The following DAB2IP variants were observed in gnomAD, a reference collection of about 807,000 sequenced individuals.
DAB2IP encodes disabled homolog 2-interacting protein.
Under a neutral mutation model 107.2 loss-of-function variants are expected in DAB2IP, and 28 were observed. The ratio of observed to expected loss-of-function variants is 0.26; its 90% confidence interval spans 0.19 to 0.36. The LOEUF (loss-of-function observed/expected upper bound fraction) is 0.36. Among genes scored for constraint, DAB2IP ranks in the 10% least tolerant of loss-of-function variants. DAB2IP has a pLI of 1.00. For synonymous variants in DAB2IP, 755 were observed against 706.4 expected (o/e 1.07, Z -1.09); for missense variants, 1,400 against 1,644.7 (o/e 0.85, Z 2.57).
At chr9:121,638,970 G>A (rs1564126445) in intron 1 of DAB2IP, among the ~76,000 whole-genome samples, 1 of 152,120 alleles carries the variant, frequency 6.6e-6, no homozygotes, top group African/African-American at 2.4e-5. Flanking sequence ...CTGGGGGCCA[G>A]GGTGGTTGGG....
At chr9:121,622,866 G>C (rs1203029578) in intron 1 of DAB2IP, among the ~76,000 whole-genome samples, 1 of 152,170 alleles carries the variant, frequency 6.6e-6, no homozygotes, top group Non-Finnish European at 1.5e-5. Context: ...TGGGGTATAT[G>C]GGCAAGGGGG....
intron 3 of DAB2IP, among the ~76,000 whole-genome samples, chr9:121,721,513 G>C (rs2118817921): frequency 6.6e-6 from 1 of 152,354 alleles, no homozygotes; most frequent in African/African-American, 2.4e-5. Flanking sequence ...AGTGGCATCT[G>C]TGTCCATCTG....
At chr9:121,644,936 C>T (rs1278983871) in intron 1 of DAB2IP, among the ~76,000 whole-genome samples, 4 of 152,238 alleles carry the variant, frequency 2.6e-5, no homozygotes, top group Non-Finnish European at 4.4e-5. Context: ...AAGGCCCTCC[C>T]CTGGAACCCA....
Position 121,772,552 on chromosome 9 carries a change from C to T in DAB2IP, c.2079-55C>T. 1 of 1,557,348 alleles carries T rather than the reference C, an allele frequency of 6.4e-7. No homozygotes were observed. The highest frequency in any genetic ancestry group is 8.7e-7 in the Non-Finnish European group (1 of 1,146,854). On this transcript the variant is annotated intron_variant, in intron 11 of 15. Transcript: ENST00000408936. This position sits in a 1 kb window ranked among gnomAD's most constrained non-coding sequence, Gnocchi z 4.7. ...TGTCGGTTTGGACCCGCCTTGGCTG[C>T]ACTCACAGTTCTTCTTTTCCCCTTC... is the stretch of plus-strand genomic sequence containing the variant.
intron 2 of DAB2IP, among the ~76,000 whole-genome samples, chr9:121,694,594 G>A (rs1829327282): frequency 6.6e-6 from 1 of 152,240 alleles, no homozygotes; most frequent in East Asian, 1.9e-4. Context: ...GGATGGTGGT[G>A]TAGCTCTACT....
intron 1 of DAB2IP, among the ~76,000 whole-genome samples, chr9:121,626,335 A>C (rs1274738073): frequency 6.6e-6 from 1 of 151,226 alleles, no homozygotes; most frequent in African/African-American, 2.4e-5. Context: ...ATGGGCTTTC[A>C]TGGAGCAGGA....
intron 1 of DAB2IP, among the ~76,000 whole-genome samples, chr9:121,652,302 G>T (rs995443440): frequency 6.6e-6 from 1 of 152,088 alleles, no homozygotes. Flanking sequence ...GGAACTTAAC[G>T]GGCTCCCCAC....
At chr9:121,694,908 G>A (rs940368101) in intron 2 of DAB2IP, among the ~76,000 whole-genome samples, 7 of 152,208 alleles carry the variant, frequency 4.6e-5, no homozygotes, top group South Asian at 2.1e-4. Context: ...CCTCAGCGTC[G>A]TGGCACAGCT....
chr9:121,646,129 G>A (rs559379109), intron 1 of DAB2IP, among the ~76,000 whole-genome samples: 7 of 152,268 alleles, frequency 4.6e-5, no homozygotes, highest in Admixed American at 1.3e-4. Context: ...CCCCACTTCC[G>A]CCTGTGTTGA....
intron 1 of DAB2IP, among the ~76,000 whole-genome samples, chr9:121,579,489 AC>A (rs1475552536): frequency 6.6e-6 from 1 of 151,168 alleles, no homozygotes; most frequent in Non-Finnish European, 1.5e-5. Flanking sequence ...GTGTCCTCAC[AC>A]CCCTGCCCAC....
At position 121,599,508 on chromosome 9, in the gene DAB2IP, G is replaced by A. The variant is rs980671159; in HGVS notation, c.40+32280G>A. On this transcript the variant is annotated intron_variant, in intron 1 of 16. Transcript: ENST00000259371. The surrounding 1 kb of genome is among the most constrained non-coding windows in gnomAD (Gnocchi z 6.9). ...GGCCTGCGATTGGCAGGGCTGGGCAGGCCGGGTGGCCGCGGGAGCCCGGGA... is the reference window on the plus strand; with the variant it reads ...GGCCTGCGATTGGCAGGGCTGGGCAAGCCGGGTGGCCGCGGGAGCCCGGGA... Among the ~76,000 whole-genome samples the A allele has an allele frequency of 6.6e-6, 1 of 151,976 alleles. No individual in the cohort carries two copies. Among genetic ancestry groups the A allele is most frequent in the African/African-American group, 2.4e-5 (1 of 41,422 alleles).
intron 1 of DAB2IP, among the ~76,000 whole-genome samples, chr9:121,642,081 T>TTCTTTCTC (rs1832374278): frequency 2.2e-5 from 3 of 136,272 alleles, no homozygotes; most frequent in Non-Finnish European, 4.6e-5. Context: ...CTTTCTTTCT[T>TTCTTTCTC]TCTCACTTTC....
intron 1 of DAB2IP, among the ~76,000 whole-genome samples, chr9:121,652,380 C>A (rs1008190585): frequency 6.6e-6 from 1 of 152,192 alleles, no homozygotes; most frequent in Non-Finnish European, 1.5e-5. Context: ...CGGGTGGGCG[C>A]CAGCTCCTTT....
At position 121,635,301 on chromosome 9, in the gene DAB2IP, C is replaced by T. The variant is rs1361750447; in HGVS notation, c.41-43377C>T. On this transcript the variant is annotated intron_variant, in intron 1 of 16. Transcript: ENST00000259371. The surrounding 1 kb of genome is among the most constrained non-coding windows in gnomAD (Gnocchi z 4.3). ...CAGAAATTTCCAGGCTCTTTCAGAC[C>T]CCCCACAAACTCATTTCAGTCTCCA... Among the ~76,000 whole-genome samples, 2 of 152,118 alleles carry T rather than the reference C, an allele frequency of 1.3e-5. No homozygotes were observed. The highest frequency in any genetic ancestry group is 1.3e-4 in the Admixed American group (2 of 15,276).
intron 3 of DAB2IP, among the ~76,000 whole-genome samples, chr9:121,731,989 A>G (rs1831571116): frequency 6.6e-6 from 1 of 152,096 alleles, no homozygotes; most frequent in Admixed American, 6.6e-5. Context: ...CAAGTGACCT[A>G]GCCACAGACA....
intron 1 of DAB2IP, among the ~76,000 whole-genome samples, chr9:121,631,221 A>G (rs1041816559): frequency 6.6e-6 from 1 of 152,228 alleles, no homozygotes; most frequent in Non-Finnish European, 1.5e-5. Context: ...AGGCACACAG[A>G]CAGCTGAACA....
At chr9:121,711,601 T>C (rs1269153552) in intron 3 of DAB2IP, among the ~76,000 whole-genome samples, 1 of 152,222 alleles carries the variant, frequency 6.6e-6, no homozygotes, top group African/African-American at 2.4e-5. Flanking sequence ...CTCAGAAGCA[T>C]GTTTTGGAGG....
intron 2 of DAB2IP, among the ~76,000 whole-genome samples, chr9:121,691,814 T>C (rs139611253): frequency 1.3e-3 from 196 of 152,284 alleles, no homozygotes; most frequent in East Asian, 4.1e-3. Flanking sequence ...GAATTACCCT[T>C]AGGACCTAAA....
In DAB2IP at chr9:121,772,692, T is replaced by C; in HGVS notation, c.2164T>C (p.Ser722Pro). The C allele has an allele frequency of 6.2e-7, 1 of 1,613,990 alleles. No homozygotes were observed. Among genetic ancestry groups the C allele is most frequent in the Non-Finnish European group, 8.5e-7 (1 of 1,180,002 alleles). Residue 722 changes from serine (S) to proline (P), a missense_variant, in exon 12 of 16, where the codon TCA (serine) becomes CCA (proline). By Grantham distance (74) the Ser-to-Pro change is moderately conservative. This residue lies in a region of DAB2IP where 600 missense variants were observed against 659.1 expected (regional missense o/e 0.91). Transcript: ENST00000408936. This position sits in a 1 kb window ranked among gnomAD's most constrained non-coding sequence, Gnocchi z 4.7. The stretch of plus-strand genomic sequence containing the variant: ...CACAAGGTCCTCCGGGGTCCAGCCC[T>C]CACCTGCCCGCAGCTCGAGTTACTC...
Sources: allele counts gnomAD v4.1 joint callset (sites outside exome capture counted in the v4.1 genomes callset), GRCh38; gene constraint gnomAD v4.1.1; regional missense constraint gnomAD v4.1.1; non-coding constraint Gnocchi (gnomAD v3.1); transcripts MANE v1.5; gene names NCBI Gene and HGNC (gene_info 2026-07-23, HGNC 2026-07-21).